MAGI1: variants seen among roughly 807,000 people sequenced by gnomAD.
MAGI1 encodes membrane-associated guanylate kinase, WW and PDZ domain-containing protein 1.
A neutral mutation model predicts 139.9 loss-of-function variants in MAGI1; 58 were observed. The ratio of observed to expected loss-of-function variants is 0.41; its 90% CI spans 0.34 to 0.52. MAGI1 has a LOEUF of 0.52. Among genes scored for constraint, MAGI1 ranks in the 20% least tolerant of loss-of-function variants. The pLI, the probability that MAGI1 is intolerant of heterozygous loss-of-function variation, is 0.12. For missense variants in MAGI1, 1,874 were observed against 1,901.6 expected, an observed-to-expected ratio of 0.99 and a Z score of 0.27; for synonymous variants, 812 against 737.9, an observed-to-expected ratio of 1.10 and a Z score of -1.63.
At chr3:65,912,295 T>C (rs2061704671) in intron 1 of MAGI1, among the ~76,000 whole-genome samples, 1 of 150,502 alleles carries the variant, frequency 6.6e-6, no homozygotes. Flanking sequence ...TCTCGCACTG[T>C]AGAATTTCTC....
intron 1 of MAGI1, among the ~76,000 whole-genome samples, chr3:65,668,045 T>C (rs547755474): frequency 1.8e-4 from 28 of 152,328 alleles, no homozygotes; most frequent in African/African-American, 6.0e-4. Context: ...AATAGTATAA[T>C]GTTGAGATTC....
At chr3:65,533,433 T>C (rs571175403) in intron 2 of MAGI1, among the ~76,000 whole-genome samples, 1 of 152,358 alleles carries the variant, frequency 6.6e-6, no homozygotes, top group Non-Finnish European at 1.5e-5. Flanking sequence ...ACTCAGACTG[T>C]ACCCGTAATT....
chr3:65,940,341 A>C (rs182663290), intron 1 of MAGI1, among the ~76,000 whole-genome samples: 10 of 152,322 alleles, frequency 6.6e-5, no homozygotes, highest in African/African-American at 2.2e-4. Context: ...TAAATAACAG[A>C]AATTTATTTC....
chr3:65,905,889 A>G (rs984324177), intron 1 of MAGI1, among the ~76,000 whole-genome samples: 3 of 152,222 alleles, frequency 2.0e-5, no homozygotes, highest in African/African-American at 7.2e-5. Context: ...CAGACTTTTC[A>G]TCTGACAGAT....
At chr3:65,417,945 G>A (rs1351855997) in intron 12 of MAGI1, among the ~76,000 whole-genome samples, 1 of 152,154 alleles carries the variant, frequency 6.6e-6, no homozygotes, top group Non-Finnish European at 1.5e-5. Context: ...TCTTAGCAGA[G>A]GGCGATTTTG....
intron 1 of MAGI1, among the ~76,000 whole-genome samples, chr3:66,018,876 A>C (rs2067814163): frequency 6.6e-6 from 1 of 152,176 alleles, no homozygotes. Flanking sequence ...TCCCTTTGGG[A>C]AGCCACAGTG....
At chr3:66,023,363 C>T (rs182868473) in intron 1 of MAGI1, among the ~76,000 whole-genome samples, 7 of 152,116 alleles carry the variant, frequency 4.6e-5, no homozygotes, top group Admixed American at 2.6e-4. Context: ...TAATAGAGGA[C>T]CTTTCTTGGC....
chr3:65,773,942 C>A (rs1426440861), intron 1 of MAGI1, among the ~76,000 whole-genome samples: 2 of 151,640 alleles, frequency 1.3e-5, no homozygotes, highest in African/African-American at 2.4e-5. Context: ...AATTTCTTCC[C>A]GGGAACGATA....
chr3:65,976,761 C>T (rs1576329018), intron 1 of MAGI1, among the ~76,000 whole-genome samples: 1 of 152,190 alleles, frequency 6.6e-6, no homozygotes, highest in Admixed American at 6.5e-5. Context: ...AAGAATTAAT[C>T]GAAACACACT....
At chr3:65,687,883 A>G in intron 1 of MAGI1, 1 of 635,786 alleles carries the variant, frequency 1.6e-6, no homozygotes, top group Non-Finnish European at 3.1e-6. Context: ...CTCCGTTTGG[A>G]TATCAAGGTA....
intron 1 of MAGI1, among the ~76,000 whole-genome samples, chr3:65,954,174 G>A (rs2064000333): frequency 6.6e-6 from 1 of 152,050 alleles, no homozygotes; most frequent in Non-Finnish European, 1.5e-5. Context: ...AACAACCTTG[G>A]GGGAATAATC....
intron 2 of MAGI1, among the ~76,000 whole-genome samples, chr3:65,500,442 T>C (rs2077037398): frequency 6.6e-6 from 1 of 152,214 alleles, no homozygotes; most frequent in Admixed American, 6.5e-5. Flanking sequence ...CATTTTATGG[T>C]TCATAAACTT....
intron 1 of MAGI1, among the ~76,000 whole-genome samples, chr3:65,768,137 A>C (rs58151764): frequency 5.0e-4 from 76 of 152,304 alleles, no homozygotes; most frequent in African/African-American, 1.8e-3. Context: ...TTACTTAAGC[A>C]GGCTGGGTGT....
At chr3:65,449,908 G>T (rs913902834) in intron 6 of MAGI1, among the ~76,000 whole-genome samples, 2 of 152,244 alleles carry the variant, frequency 1.3e-5, no homozygotes, top group African/African-American at 4.8e-5. Flanking sequence ...TCATATTTTT[G>T]GGGGCAAAGT....
At chr3:65,768,800 ATTACT>A (rs1559863972) in intron 1 of MAGI1, among the ~76,000 whole-genome samples, 1 of 152,200 alleles carries the variant, frequency 6.6e-6, no homozygotes, top group Non-Finnish European at 1.5e-5. Flanking sequence ...CTACAGTGGC[ATTACT>A]TTAAAGAAAT....
At chr3:65,825,430 T>C (rs2042169594) in intron 1 of MAGI1, among the ~76,000 whole-genome samples, 1 of 152,180 alleles carries the variant, frequency 6.6e-6, no homozygotes, top group South Asian at 2.1e-4. Context: ...AGTGACTTCA[T>C]ATTGGTAGTC....
intron 16 of MAGI1, 88 bp from the exon 17 acceptor site, chr3:65,379,642 G>A: frequency 6.5e-7 from 1 of 1,533,422 alleles, no homozygotes. Flanking sequence ...ACTCCTGCTA[G>A]AAATCAAAAC....
intron 1 of MAGI1, among the ~76,000 whole-genome samples, chr3:65,723,108 C>T (rs1029969161): frequency 3.6e-4 from 54 of 152,066 alleles, no homozygotes; most frequent in African/African-American, 1.3e-3. Context: ...GTCAGGAAGG[C>T]GCAATGGAGA....
At chr3:65,376,713 G>A (rs769769238) in intron 17 of MAGI1, among the ~76,000 whole-genome samples, 3 of 152,116 alleles carry the variant, frequency 2.0e-5, no homozygotes, top group African/African-American at 7.2e-5. Flanking sequence ...CCCCTCAAAG[G>A]ACTACGAAAA....
Sources: gnomAD v4.1 joint callset for allele counts (sites outside exome capture counted in the v4.1 genomes callset) on GRCh38, gnomAD v4.1.1 for gene constraint, MANE v1.5 for transcripts, NCBI Gene and HGNC (gene_info 2026-07-23, HGNC 2026-07-21) for gene names.